ENTREP2: variants seen among roughly 807,000 people sequenced by gnomAD.
ENTREP2 encodes endosomal transmembrane epsin interactor 2, also known as protein ENTREP2.
At chr15:29,182,376 C>A in the ENTREP2 span, among the ~76,000 whole-genome samples, 1 of 151,974 alleles carries the variant, frequency 6.6e-6, no homozygotes, top group Non-Finnish European at 1.5e-5. Context: ...CCGCCTGCCT[C>A]GGCCTCCGAA....
chr15:29,329,043 G>T, the ENTREP2 span, among the ~76,000 whole-genome samples: 1 of 152,090 alleles, frequency 6.6e-6, no homozygotes, highest in Admixed American at 6.5e-5. Flanking sequence ...CACAGTAAGA[G>T]ATTAACAATG....
the ENTREP2 span, among the ~76,000 whole-genome samples, chr15:29,413,825 C>CA: frequency 2.0e-5 from 3 of 151,624 alleles, no homozygotes; most frequent in South Asian, 2.1e-4. Context: ...AAATGGAAAA[C>CA]AAAAAAAGGC....
the ENTREP2 span, among the ~76,000 whole-genome samples, chr15:29,600,930 C>CTTTTTTTT: frequency 3.7e-5 from 4 of 108,604 alleles, no homozygotes; most frequent in African/African-American, 1.0e-4. Context: ...CAGAGTCTCG[C>CTTTTTTTT]TCTTTTGCCC....
the ENTREP2 span, among the ~76,000 whole-genome samples, chr15:29,260,051 A>C: frequency 6.6e-6 from 1 of 152,180 alleles, no homozygotes; most frequent in African/African-American, 2.4e-5. Context: ...AGAAATTCTC[A>C]ATATCTGTAT....
At chr15:29,570,491 T>TCGCGGACACTCACCGAGAAGCCTGCC in the ENTREP2 span, 2 of 1,295,778 alleles carry the variant, frequency 1.5e-6, no homozygotes, top group Non-Finnish European at 2.0e-6. Flanking sequence ...CCCCGCCTGG[T>TCGCGGACACTCACCGAGAAGCCTGCC]CGCGGACACT....
chr15:29,384,716 C>T, the ENTREP2 span, among the ~76,000 whole-genome samples: 2 of 152,110 alleles, frequency 1.3e-5, no homozygotes, highest in African/African-American at 2.4e-5. Flanking sequence ...ACCCAACCTC[C>T]GAGACAGCCC....
At chr15:29,223,877 G>A in the ENTREP2 span, among the ~76,000 whole-genome samples, 1 of 152,182 alleles carries the variant, frequency 6.6e-6, no homozygotes, top group African/African-American at 2.4e-5. Context: ...AGCTGACAGA[G>A]GACTGACAGA....
the ENTREP2 span, among the ~76,000 whole-genome samples, chr15:29,171,412 G>A: frequency 1.3e-5 from 2 of 152,218 alleles, no homozygotes; most frequent in South Asian, 4.2e-4. Flanking sequence ...TCACATCCTG[G>A]ACACTCTACT....
the ENTREP2 span, chr15:29,126,329 G>A: frequency 3.3e-6 from 5 of 1,525,988 alleles, no homozygotes; most frequent in Non-Finnish European, 4.4e-6. Context: ...CCCGGGACCT[G>A]GCTGCACCTG....
the ENTREP2 span, among the ~76,000 whole-genome samples, chr15:29,659,338 G>T: frequency 1.3e-5 from 2 of 152,132 alleles, no homozygotes; most frequent in African/African-American, 4.8e-5. Flanking sequence ...AGGTGTGGTG[G>T]CATGCACCTG....
the ENTREP2 span, among the ~76,000 whole-genome samples, chr15:29,270,303 T>G: frequency 6.6e-6 from 1 of 152,136 alleles, no homozygotes; most frequent in South Asian, 2.1e-4. Context: ...CCCCGTGGAG[T>G]CTGTTAAAAA....
At chr15:29,144,865 C>A in the ENTREP2 span, among the ~76,000 whole-genome samples, 1 of 151,676 alleles carries the variant, frequency 6.6e-6, no homozygotes, top group African/African-American at 2.4e-5. Flanking sequence ...CATGGTGAAA[C>A]CCCATCTCTA....
chr15:29,132,081 C>G, the ENTREP2 span, among the ~76,000 whole-genome samples: 2 of 152,282 alleles, frequency 1.3e-5, no homozygotes, highest in African/African-American at 4.8e-5. Flanking sequence ...TCAGCTCCTC[C>G]CCGACAGAGC....
At chr15:29,387,053 G>A in the ENTREP2 span, among the ~76,000 whole-genome samples, 9 of 152,310 alleles carry the variant, frequency 5.9e-5, no homozygotes, top group South Asian at 1.9e-3. Flanking sequence ...GGAGTGGTGA[G>A]AGAGGGCATC....
chr15:29,220,974 TTTC>T, the ENTREP2 span, among the ~76,000 whole-genome samples: 19 of 152,158 alleles, frequency 1.2e-4, no homozygotes, highest in Non-Finnish European at 2.4e-4. Context: ...GCTTTTAATT[TTTC>T]ATTTCATGTG....
At chr15:29,654,066 A>G in the ENTREP2 span, among the ~76,000 whole-genome samples, 1 of 152,190 alleles carries the variant, frequency 6.6e-6, no homozygotes, top group Admixed American at 6.5e-5. Flanking sequence ...TACTTATCTT[A>G]AATAATTTAT....
the ENTREP2 span, among the ~76,000 whole-genome samples, chr15:29,151,343 A>C: frequency 6.6e-6 from 1 of 152,202 alleles, no homozygotes; most frequent in African/African-American, 2.4e-5. Flanking sequence ...CTGGAAAAGA[A>C]CTGATCTTCT....
At chr15:29,296,849 G>A in the ENTREP2 span, among the ~76,000 whole-genome samples, 3 of 152,102 alleles carry the variant, frequency 2.0e-5, no homozygotes, top group Non-Finnish European at 4.4e-5. Flanking sequence ...CTAGAGTAAG[G>A]GTTACTCTAG....
the ENTREP2 span, among the ~76,000 whole-genome samples, chr15:29,572,631 C>A: frequency 6.6e-6 from 1 of 151,494 alleles, no homozygotes. Flanking sequence ...GAGAAACACA[C>A]AATAGCCTAA....
Sources: allele counts gnomAD v4.1 joint callset (sites outside exome capture counted in the v4.1 genomes callset), GRCh38; gene constraint gnomAD v4.1.1; transcripts MANE v1.5; gene names NCBI Gene and HGNC (gene_info 2026-07-23, HGNC 2026-07-21).